The following BPHL variants were observed in gnomAD, a reference collection of about 807,000 sequenced individuals.
BPHL encodes the protein biphenyl hydrolase like.
In BPHL, 27 loss-of-function variants were observed where a neutral mutation model predicts 31.2. The observed-to-expected ratio is 0.87, with a 90% CI of 0.64 to 1.19. The LOEUF is 1.19. Ranked by LOEUF, BPHL falls within the 50% of genes most tolerant of loss-of-function variation. The probability of loss-of-function intolerance (pLI) is 0.00; values close to 1 mark genes in which losing one functional copy is unlikely to be tolerated. For missense variants in BPHL, 356 were observed against 375.7 expected (o/e 0.95, Z 0.43); for synonymous variants, 150 against 146.8 (o/e 1.02, Z -0.16).
chr6:3,145,968 TC>T (rs2113775034), intron 6 of BPHL, among the ~76,000 whole-genome samples: 1 of 66,076 alleles, frequency 1.5e-5, no homozygotes, highest in East Asian at 3.9e-4. Context: ...CTGGTTTGGG[TC>T]GGAGTGCTGG....
intron 4 of BPHL, among the ~76,000 whole-genome samples, 171 bp from the exon 5 acceptor site, chr6:3,137,191 G>T (rs1223532190): frequency 1.3e-5 from 2 of 151,978 alleles, no homozygotes; most frequent in Non-Finnish European, 2.9e-5. Context: ...GGTCCAGAAG[G>T]CACCGCAAAG....
At chr6:3,150,568 T>C (rs1314292099) in intron 6 of BPHL, among the ~76,000 whole-genome samples, 1 of 152,240 alleles carries the variant, frequency 6.6e-6, no homozygotes, top group Non-Finnish European at 1.5e-5. Flanking sequence ...CTGAGCCATG[T>C]GCTTAGCAGT....
chr6:3,137,811 A>G (rs1040477561), intron 5 of BPHL, among the ~76,000 whole-genome samples: 7 of 152,154 alleles, frequency 4.6e-5, no homozygotes, highest in Non-Finnish European at 7.4e-5. Context: ...AACCGTTTCT[A>G]TTTTCTAATT....
chr6:3,120,196 G>A (rs1310792588), intron 1 of BPHL, among the ~76,000 whole-genome samples: 2 of 151,990 alleles, frequency 1.3e-5, no homozygotes, highest in Non-Finnish European at 2.9e-5. Context: ...CACCATGCCC[G>A]GCTAATTTTT....
In BPHL at chr6:3,141,974, GAAAT is replaced by G. The variant is rs200426439; in HGVS notation, c.788+1476_788+1479del. Among the ~76,000 whole-genome samples the G allele has an allele frequency of 9.0e-3, 1,375 of 152,006 alleles. 17 individuals are homozygous for G. The highest frequency in any genetic ancestry group is 0.03 in the African/African-American group (1,246 of 41,458). On this transcript the variant is annotated intron_variant, in intron 6 of 6. Coordinates refer to ENST00000380379, the MANE Select transcript of BPHL (RefSeq NM_004332.4). ...GGTGACAGAGTGAGACTCCGTCTCA[GAAAT>G]AAATAAATAAGTATAAATTTATTTA...
Position 3,140,445 on chromosome 6 carries a change from GAGA to G in BPHL, c.727_729del (p.Lys243del). On this transcript the variant is annotated inframe_deletion, in exon 6 of 7. Coordinates refer to ENST00000380379, the MANE Select transcript of BPHL (RefSeq NM_004332.4). The surrounding 1 kb of genome is among the most constrained non-coding windows in gnomAD (Gnocchi z 5.2). ...GTGCCCCGCCTTGATTGTGCACGGT[GAGA>G]AGGATCCTCTGGTCCCACGGTTTCA... is the stretch of plus-strand genomic sequence containing the variant. The G allele has an allele frequency of 6.2e-7, 1 of 1,614,148 alleles. No homozygotes were observed. Among genetic ancestry groups the G allele is most frequent in the Non-Finnish European group, 8.5e-7 (1 of 1,180,028 alleles).
In BPHL at chr6:3,149,377, C is replaced by T. The variant is rs1429607142; in HGVS notation, c.789-3111C>T. ...ACTTAAAAGCACCAACCCAGCAGCC[C>T]GAGGGTCCTCTAGCAGCCCACTTCA... On this transcript the variant is annotated intron_variant, in intron 6 of 6. Transcript: ENST00000380379. The surrounding 1 kb of genome is among the most constrained non-coding windows in gnomAD (Gnocchi z 4.6). Among the ~76,000 whole-genome samples the T allele has an allele frequency of 3.3e-5, 5 of 152,164 alleles. No homozygotes were observed. Among genetic ancestry groups the T allele is most frequent in the South Asian group, 2.1e-4 (1 of 4,834 alleles).
In BPHL at chr6:3,140,054, A is replaced by G. The variant is rs1762128950; in HGVS notation, c.665-332A>G. ...GCTCTACAGGTGTCAAGCACCTACC[A>G]CTGTTTTCACGGTGGGAACCGCCAC... On this transcript the variant is annotated intron_variant, in intron 5 of 6. Transcript: ENST00000380379. This position sits in a 1 kb window ranked among gnomAD's most constrained non-coding sequence, Gnocchi z 5.2. The G allele has an allele frequency of 6.7e-6, 2 of 297,324 alleles. No homozygotes were observed. The highest frequency in any genetic ancestry group is 4.4e-5 in the African/African-American group (2 of 45,154). The allele number at this position is 297,324 out of a possible 1,614,324, so 18.4% of individuals were successfully genotyped here.
In BPHL at chr6:3,140,465, A is replaced by G. The variant is rs1402805673; in HGVS notation, c.744A>G (p.Pro248=). The change falls in exon 6 of 7, where the codon CCA becomes CCG. Residue 248 remains proline, a synonymous_variant. Coordinates refer to ENST00000380379, the MANE Select transcript of BPHL (RefSeq NM_004332.4). The surrounding 1 kb of genome is among the most constrained non-coding windows in gnomAD (Gnocchi z 5.2). ...IVHGEKDPLV[P]RFHADFIHKH... is the part of the protein sequence containing the mutation. Reference sequence around the variant, plus strand: ...ACGGTGAGAAGGATCCTCTGGTCCCACGGTTTCATGCCGACTTCATTCATA... The same window carrying G: ...ACGGTGAGAAGGATCCTCTGGTCCCGCGGTTTCATGCCGACTTCATTCATA... The G allele has an allele frequency of 5.0e-6, 8 of 1,614,154 alleles. No individual in the cohort carries two copies. The highest frequency in any genetic ancestry group is 5.9e-6 in the Non-Finnish European group (7 of 1,180,032).
At chr6:3,123,558 C>G in intron 1 of BPHL, 99 bp from the exon 2 acceptor site, 1 of 994,780 alleles carries the variant, frequency 1.0e-6, no homozygotes, top group Admixed American at 2.0e-5. Context: ...GCGTAGAACA[C>G]TAACACTTAT....
intron 4 of BPHL, among the ~76,000 whole-genome samples, chr6:3,136,013 C>T (rs1581474194): frequency 6.6e-6 from 1 of 152,206 alleles, no homozygotes; most frequent in Non-Finnish European, 1.5e-5. Context: ...AGCTGGCTTA[C>T]TTCCTTTGCT....
In BPHL at chr6:3,140,521, C is replaced by A; in HGVS notation, c.788+12C>A. 6.2e-7 allele frequency: 1 copy of A among 1,613,226 alleles called. No homozygotes were observed. Among genetic ancestry groups the A allele is most frequent in the Non-Finnish European group, 8.5e-7 (1 of 1,179,874 alleles). On this transcript the variant is annotated intron_variant, in intron 6 of 6. Coordinates refer to ENST00000380379, the MANE Select transcript of BPHL (RefSeq NM_004332.4). The surrounding 1 kb of genome is among the most constrained non-coding windows in gnomAD (Gnocchi z 5.2). ...GTGAAAGGCTCACGGTAAGTCCTGT[C>A]ACCGCCTTCACACTCCCCCCGAGAG...
Position 3,140,201 on chromosome 6 carries a change from C to A in BPHL, c.665-185C>A. ...CAAACAAACAAGAAACAGAGAGAAA[C>A]AGAAAAGGGAACCCAAAGAATGTTA... On this transcript the variant is annotated intron_variant, in intron 5 of 6. Coordinates refer to ENST00000380379, the MANE Select transcript of BPHL (RefSeq NM_004332.4). This position sits in a 1 kb window ranked among gnomAD's most constrained non-coding sequence, Gnocchi z 5.2. 1 of 670,510 alleles carries A rather than the reference C, an allele frequency of 1.5e-6. No homozygotes were observed. The highest frequency in any genetic ancestry group is 2.4e-6 in the Non-Finnish European group (1 of 419,352). 41.5% of individuals were successfully genotyped at this position (670,510 alleles called of 1,614,324 possible).
intron 3 of BPHL, 27 bp downstream of exon 3, chr6:3,127,435 G>A (rs1761749467): frequency 6.6e-7 from 1 of 1,507,612 alleles, no homozygotes; most frequent in Non-Finnish European, 9.0e-7. Context: ...AGGGCCAGGG[G>A]AGGAAGGGTG....
Position 3,118,772 on chromosome 6 carries a change from T to C in BPHL, c.32T>C (p.Leu11Ser). Residue 11 changes from leucine (L) to serine (S), a missense_variant, in exon 1 of 7, where the codon TTG becomes TCG. Coordinates refer to ENST00000380379, the MANE Select transcript of BPHL (RefSeq NM_004332.4). MVAVLGGRGVLRLRLLLSALK... is the reference protein window; with the variant it reads MVAVLGGRGVSRLRLLLSALK... ...GCTGTGCTGGGCGGCCGGGGCGTGT[T>C]GCGCCTGCGGCTGCTTCTCTCAGCG... 8.0e-7 allele frequency: 1 copy of C among 1,254,290 alleles called. No individual in the cohort carries two copies. Among genetic ancestry groups the C allele is most frequent in the Non-Finnish European group, 1.0e-6 (1 of 995,690 alleles). 77.7% of individuals were successfully genotyped at this position (1,254,290 alleles called of 1,614,324 possible).
chr6:3,152,263 C>T (rs1431260251), intron 6 of BPHL, among the ~76,000 whole-genome samples: 1 of 152,190 alleles, frequency 6.6e-6, no homozygotes, highest in Admixed American at 6.5e-5. Context: ...ACTGTTAAGT[C>T]ATTGCCTTAT....
At chr6:3,128,194 G>A (rs1569650) in intron 3 of BPHL, among the ~76,000 whole-genome samples, 6,574 of 152,170 alleles carry the variant, frequency 0.043, 288 homozygotes, top group African/African-American at 0.1. Context: ...TAAATAGCAG[G>A]CAGTGAACAT....
At chr6:3,128,990 C>A in intron 3 of BPHL, 55 bp from the exon 4 acceptor site, 5 of 1,610,804 alleles carry the variant, frequency 3.1e-6, no homozygotes, top group Non-Finnish European at 4.2e-6. Flanking sequence ...GATTCAGTTT[C>A]TTTTAACAGA....
intron 4 of BPHL, among the ~76,000 whole-genome samples, chr6:3,134,438 CTTTTT>C (rs554446648): frequency 1.5e-5 from 2 of 132,568 alleles, no homozygotes; most frequent in Admixed American, 7.7e-5. Flanking sequence ...CTTTTCTTTC[CTTTTT>C]TTTTTTTTTT....
Sources: gnomAD v4.1 joint callset for allele counts (sites outside exome capture counted in the v4.1 genomes callset) on GRCh38, gnomAD v4.1.1 for gene constraint, Gnocchi (gnomAD v3.1) non-coding constraint, MANE v1.5 for transcripts, NCBI Gene and HGNC (gene_info 2026-07-23, HGNC 2026-07-21) for gene names.